The following ENPEP variants were observed in gnomAD, a reference collection of about 807,000 sequenced individuals.
The protein encoded by ENPEP is glutamyl aminopeptidase.
ENPEP carries 103 observed loss-of-function variants against 114.5 expected under a neutral mutation model. The observed-to-expected ratio is 0.90, with a 90% CI of 0.77 to 1.06. ENPEP has a LOEUF of 1.06. Ranked by LOEUF, ENPEP falls within the 50% of genes least tolerant of loss-of-function variation. The pLI, the probability that ENPEP is intolerant of heterozygous loss-of-function variation, is 0.00. For synonymous variants in ENPEP, 420 were observed against 422.0 expected (o/e 1.00, Z 0.06); for missense variants, 1,196 against 1,161.3 (o/e 1.03, Z -0.43).
intron 7 of ENPEP, among the ~76,000 whole-genome samples, chr4:110,514,278 T>A (rs3796888): frequency 6.6e-6 from 1 of 151,642 alleles, no homozygotes. Flanking sequence ...TTATCCTGAG[T>A]AATACCTAAA....
intron 18 of ENPEP, among the ~76,000 whole-genome samples, chr4:110,556,616 A>G (rs774519908): frequency 6.6e-6 from 1 of 151,958 alleles, no homozygotes; most frequent in African/African-American, 2.4e-5. Flanking sequence ...GTCCTTGACA[A>G]TTTCTTTAGA....
intron 10 of ENPEP, among the ~76,000 whole-genome samples, chr4:110,521,116 C>G (rs561678455): frequency 1.4e-4 from 22 of 152,314 alleles, no homozygotes; most frequent in African/African-American, 5.3e-4. Flanking sequence ...GGCAGAGCTC[C>G]CAGTCAGACC....
At position 110,476,980 on chromosome 4, in the gene ENPEP, C is replaced by T. The variant is rs375233805; in HGVS notation, c.566C>T (p.Thr189Ile). ...PSSGDGLYLL[T>I]MEFAGWLNGS... ...AGTGGAGATGGCCTGTATCTCCTGA[C>T]CATGGAGTTCGCCGGCTGGCTGAAC... is the stretch of plus-strand genomic sequence containing the variant. Residue 189 changes from threonine (T) to isoleucine (I), a missense_variant, in exon 1 of 20, where the codon ACC (threonine) becomes ATC (isoleucine). Thr to Ile is a moderately conservative substitution (Grantham distance 89). Transcript: ENST00000265162. 1.9e-6 allele frequency: 3 copies of T among 1,614,178 alleles called. No homozygotes were observed. Among genetic ancestry groups the T allele is most frequent in the Non-Finnish European group, 2.5e-6 (3 of 1,180,036 alleles).
intron 11 of ENPEP, among the ~76,000 whole-genome samples, chr4:110,536,152 G>GGTA (rs1393086067): frequency 6.6e-6 from 1 of 150,500 alleles, no homozygotes; most frequent in Non-Finnish European, 1.5e-5. Flanking sequence ...GAAGAGTTAA[G>GGTA]GTAGATTAAT....
At chr4:110,556,275 C>T (rs1482911346) in intron 18 of ENPEP, among the ~76,000 whole-genome samples, 1 of 151,794 alleles carries the variant, frequency 6.6e-6, no homozygotes, top group Non-Finnish European at 1.5e-5. Flanking sequence ...AATGCAACCA[C>T]CAAGAAATAA....
chr4:110,511,913 G>A (rs939977933), intron 6 of ENPEP, among the ~76,000 whole-genome samples: 2 of 151,918 alleles, frequency 1.3e-5, no homozygotes, highest in Admixed American at 6.6e-5. Flanking sequence ...ATAGGCCCTC[G>A]CCACCACTCC....
At chr4:110,522,292 C>T (rs1342337809) in intron 10 of ENPEP, among the ~76,000 whole-genome samples, 1 of 152,038 alleles carries the variant, frequency 6.6e-6, no homozygotes, top group East Asian at 1.9e-4. Context: ...AGCCGTTCTC[C>T]TCCCTCAGCC....
chr4:110,549,800 G>A lies in ENPEP; in HGVS notation c.2415G>A (p.Glu805=). The A allele has an allele frequency of 6.2e-7, 1 of 1,613,428 alleles. No homozygotes were observed. The highest frequency in any genetic ancestry group is 8.5e-7 in the Non-Finnish European group (1 of 1,179,580). The change falls in exon 17 of 20, where the codon GAG becomes GAA. Residue 805 remains glutamate, a synonymous_variant. Coordinates refer to ENST00000265162, the MANE Select transcript of ENPEP (RefSeq NM_001977.4). ...GNEISWNYTL[E]QYQKTSLAQE... is the part of the protein sequence containing the mutation. ...AGATTTCATGGAACTACACTCTTGA[G>A]CAATACCAGAAAACTTCATTAGCTC...
chr4:110,549,623 G>C lies in ENPEP; in HGVS notation c.2321G>C (p.Gly774Ala). The C allele has an allele frequency of 6.2e-7, 1 of 1,613,470 alleles. No homozygotes were observed. Among genetic ancestry groups the C allele is most frequent in the Non-Finnish European group, 8.5e-7 (1 of 1,179,614 alleles). Residue 774 changes from glycine to alanine, a missense_variant, in exon 16 of 20, where the codon GGG becomes GCG. Physicochemically the swap from Gly to Ala is moderately conservative, Grantham distance 60. Transcript: ENST00000265162. ...TCGTTATTTGAGCAGTGGCTAAATGGGACTGTAAGGTGATTACTCACATTG... is the reference window on the plus strand; with the variant it reads ...TCGTTATTTGAGCAGTGGCTAAATGCGACTGTAAGGTGATTACTCACATTG... ...ASSLFEQWLN[G>A]TVSLPVNLRL...
At chr4:110,555,811 A>G (rs1267271182) in intron 18 of ENPEP, among the ~76,000 whole-genome samples, 3 of 152,052 alleles carry the variant, frequency 2.0e-5, no homozygotes, top group African/African-American at 7.2e-5. Flanking sequence ...TGAATCCAAG[A>G]AGACAATATT....
Position 110,520,049 on chromosome 4 carries a change from T to C in ENPEP, c.1551T>C (p.Ser517=). 1 of 1,614,068 alleles carries C rather than the reference T, an allele frequency of 6.2e-7. No individual in the cohort carries two copies. The highest frequency in any genetic ancestry group is 8.5e-7 in the Non-Finnish European group (1 of 1,179,926). The change falls in exon 9 of 20, where the codon TCT becomes TCC. Residue 517 remains serine (S), a synonymous_variant. Coordinates refer to ENST00000265162, the MANE Select transcript of ENPEP (RefSeq NM_001977.4). ...EKYQFKNAKT[S]DFWAALEEAS... ...ACCAATTCAAGAATGCAAAAACTTC[T>C]GATTTTTGGGCAGCACTGGAAGAGG...
intron 8 of ENPEP, among the ~76,000 whole-genome samples, chr4:110,516,251 A>T (rs1221256898): frequency 6.6e-6 from 1 of 152,214 alleles, no homozygotes; most frequent in Non-Finnish European, 1.5e-5. Flanking sequence ...TTTCTGAAAC[A>T]TTTCACACAT....
intron 13 of ENPEP, among the ~76,000 whole-genome samples, chr4:110,547,229 C>A (rs943226229): frequency 1.3e-5 from 2 of 151,956 alleles, no homozygotes; most frequent in Non-Finnish European, 2.9e-5. Context: ...AGCTTCCAAC[C>A]TCTCTACACT....
intron 13 of ENPEP, among the ~76,000 whole-genome samples, chr4:110,543,618 A>C (rs1467743199): frequency 6.6e-6 from 1 of 151,208 alleles, no homozygotes; most frequent in East Asian, 2.0e-4. Context: ...TGTAGATTGG[A>C]AGAACTAAGT....
intron 4 of ENPEP, among the ~76,000 whole-genome samples, chr4:110,509,069 A>T (rs1167099706): frequency 6.6e-6 from 1 of 152,228 alleles, no homozygotes; most frequent in African/African-American, 2.4e-5. Flanking sequence ...GTAAGACTAT[A>T]GAAACTCCTG....
At chr4:110,538,594 A>G (rs1395655019) in intron 11 of ENPEP, among the ~76,000 whole-genome samples, 1 of 152,186 alleles carries the variant, frequency 6.6e-6, no homozygotes, top group Non-Finnish European at 1.5e-5. Context: ...TCATGTGTTC[A>G]CTGGAGTAGG....
chr4:110,498,698 C>T (rs1263147031), intron 3 of ENPEP, among the ~76,000 whole-genome samples: 2 of 152,106 alleles, frequency 1.3e-5, no homozygotes, highest in African/African-American at 2.4e-5. Flanking sequence ...GGCTTCTGAC[C>T]CAGGTGACGG....
At chr4:110,535,815 C>A (rs933517501) in intron 11 of ENPEP, among the ~76,000 whole-genome samples, 1 of 152,048 alleles carries the variant, frequency 6.6e-6, no homozygotes, top group South Asian at 2.1e-4. Context: ...AGAGAAACAC[C>A]GTCTCTACTG....
chr4:110,479,283 A>C (rs1413350190), intron 1 of ENPEP, among the ~76,000 whole-genome samples: 3 of 152,186 alleles, frequency 2.0e-5, no homozygotes, highest in Admixed American at 2.0e-4. Flanking sequence ...GTATGACTAC[A>C]ATGTAGTTGA....
Sources: allele counts gnomAD v4.1 joint callset (sites outside exome capture counted in the v4.1 genomes callset), GRCh38; gene constraint gnomAD v4.1.1; transcripts MANE v1.5; gene names NCBI Gene and HGNC (gene_info 2026-07-23, HGNC 2026-07-21).